Variants in ARHGEF37 observed in about 807,000 individuals in gnomAD.
ARHGEF37 encodes the protein Rho guanine nucleotide exchange factor (GEF) 37.
Under a neutral mutation model 71.1 loss-of-function variants are expected in ARHGEF37, and 55 were observed. The observed-to-expected ratio is 0.77, with a 90% CI of 0.62 to 0.97. The LOEUF (loss-of-function observed/expected upper bound fraction) is 0.97. Among genes scored for constraint, ARHGEF37 ranks in the 50% least tolerant of loss-of-function variants. The probability of loss-of-function intolerance (pLI) is 0.00; values close to 1 mark genes in which losing one functional copy is unlikely to be tolerated. For synonymous variants in ARHGEF37, 327 were observed against 350.6 expected (o/e 0.93, Z 0.75); for missense variants, 765 against 836.8 (o/e 0.91, Z 1.06).
At chr5:149,618,026 C>G in intron 5 of ARHGEF37, 150 bp from the exon 6 acceptor site, 1 of 1,152,438 alleles carries the variant, frequency 8.7e-7, no homozygotes, top group African/African-American at 1.6e-5. Flanking sequence ...ACAGAGGACC[C>G]TATGCTTTTC....
intron 7 of ARHGEF37, 27 bp downstream of exon 7, chr5:149,619,069 G>T (rs369712407): frequency 3.8e-6 from 6 of 1,591,220 alleles, no homozygotes; most frequent in Non-Finnish European, 5.2e-6. Context: ...GTTCATAAAG[G>T]GCGAGTCTGG....
chr5:149,627,496 C>T (rs6894391), intron 11 of ARHGEF37, among the ~76,000 whole-genome samples: 74,353 of 152,046 alleles, frequency 0.49, 18,673 homozygotes, highest in Middle Eastern at 0.56. Flanking sequence ...GCAGGGTCTA[C>T]CATGAAGCAC....
chr5:149,618,380 G>T, intron 6 of ARHGEF37, 74 bp downstream of exon 6: 1 of 1,595,852 alleles, frequency 6.3e-7, no homozygotes, highest in Non-Finnish European at 8.5e-7. Flanking sequence ...GGGTAGACAG[G>T]GGACTTAGGC....
At chr5:149,555,828 CT>C (rs1018887844) in intron 1 of ARHGEF37, among the ~76,000 whole-genome samples, 7 of 150,174 alleles carry the variant, frequency 4.7e-5, no homozygotes, top group South Asian at 2.1e-4. Context: ...AATTTTAAAA[CT>C]TTTTTTTTTC....
At chr5:149,626,488 G>A (rs911665315) in intron 10 of ARHGEF37, among the ~76,000 whole-genome samples, 1 of 152,098 alleles carries the variant, frequency 6.6e-6, no homozygotes. Context: ...CAGCTAGATG[G>A]CAATTTCGTC....
At chr5:149,608,178 T>C (rs1763970071) in intron 3 of ARHGEF37, among the ~76,000 whole-genome samples, 1 of 152,170 alleles carries the variant, frequency 6.6e-6, no homozygotes, top group African/African-American at 2.4e-5. Flanking sequence ...TTTTCACTTC[T>C]GTGGATCTTC....
chr5:149,552,479 C>T (rs1309953683), intron 1 of ARHGEF37, among the ~76,000 whole-genome samples: 2 of 152,172 alleles, frequency 1.3e-5, no homozygotes, highest in African/African-American at 4.8e-5. Context: ...TTGATGCTAT[C>T]ATCTTAAGTC....
intron 5 of ARHGEF37, among the ~76,000 whole-genome samples, chr5:149,617,595 A>G (rs1388475278): frequency 6.6e-6 from 1 of 152,194 alleles, no homozygotes; most frequent in Admixed American, 6.5e-5. Flanking sequence ...TTTCACAGTC[A>G]GGTAAAATGA....
intron 10 of ARHGEF37, 25 bp from the exon 11 acceptor site, chr5:149,627,051 T>C: frequency 6.3e-7 from 1 of 1,590,434 alleles, no homozygotes; most frequent in Non-Finnish European, 8.6e-7. Flanking sequence ...AGCACTTGTG[T>C]CTGTCTGTGC....
upstream of ARHGEF37, among the ~76,000 whole-genome samples, chr5:149,551,707 C>T (rs575577899): frequency 1.3e-4 from 20 of 152,384 alleles, no homozygotes; most frequent in African/African-American, 4.8e-4. Context: ...GAGTGGCCCC[C>T]CGGCCTTGAT....
In ARHGEF37 at chr5:149,554,037, G is replaced by A. The variant is rs1055817752; in HGVS notation, c.-12+1914G>A. On this transcript the variant is annotated intron_variant, in intron 1 of 2. Coordinates refer to the ARHGEF37 transcript ENST00000505810. ...ACAAAAATTAGCCGGGCGTGGTGGC[G>A]CATGCCTGTAATCCCAGCTACTTGG... 7.2e-5 allele frequency among the ~76,000 whole-genome samples: 11 copies of A among 152,084 alleles called. 1 individual carries two copies. Among genetic ancestry groups the A allele is most frequent in the Admixed American group, 6.6e-4 (10 of 15,266 alleles).
At chr5:149,560,356 C>T (rs887988347) in intron 1 of ARHGEF37, among the ~76,000 whole-genome samples, 8 of 152,130 alleles carry the variant, frequency 5.3e-5, no homozygotes, top group Non-Finnish European at 7.4e-5. Flanking sequence ...TCAGGTGATC[C>T]GCCCACCTCT....
chr5:149,573,091 A>G (rs1762987948), intron 1 of ARHGEF37, among the ~76,000 whole-genome samples: 2 of 152,162 alleles, frequency 1.3e-5, no homozygotes, highest in Admixed American at 6.5e-5. Flanking sequence ...TCCTGGCTTT[A>G]TAACAACTTA....
chr5:149,614,068 G>GT (rs200551015), intron 4 of ARHGEF37, among the ~76,000 whole-genome samples: 2,401 of 151,710 alleles, frequency 0.016, 72 homozygotes, highest in African/African-American at 0.056. Context: ...CCAGCACAGT[G>GT]TTTTTTTTAA....
chr5:149,603,071 T>C (rs1763805851), intron 3 of ARHGEF37, among the ~76,000 whole-genome samples: 1 of 152,062 alleles, frequency 6.6e-6, no homozygotes, highest in African/African-American at 2.4e-5. Flanking sequence ...TAGCTGGGAT[T>C]ACAGGCGCCC....
In ARHGEF37 at chr5:149,628,798, A is replaced by ATGCTCCCTAGGACATCG; in HGVS notation, c.1661-8_1669dup. ...GGCCCGCAGCCTGCTAACCTTCTGCATGCTCCCTAGGACATCGTGGGTATG... is the reference window on the plus strand; with the variant it reads ...GGCCCGCAGCCTGCTAACCTTCTGCATGCTCCCTAGGACATCGTGCTCCCTAGGACATCGTGGGTATG... On this transcript the variant is annotated splice_polypyrimidine_tract_variant and intron_variant, in intron 11 of 12. Transcript: ENST00000333677. 2 of 1,609,122 alleles carry ATGCTCCCTAGGACATCG rather than the reference A, an allele frequency of 1.2e-6. No individual in the cohort carries two copies. The highest frequency in any genetic ancestry group is 2.2e-5 in the South Asian group (2 of 90,222).
At chr5:149,592,046 C>A (rs1046192824) in intron 1 of ARHGEF37, among the ~76,000 whole-genome samples, 3 of 152,156 alleles carry the variant, frequency 2.0e-5, no homozygotes, top group Non-Finnish European at 4.4e-5. Flanking sequence ...GAGGTTGCAA[C>A]AATAGCAAAG....
intron 4 of ARHGEF37, among the ~76,000 whole-genome samples, chr5:149,615,959 T>C (rs1223609766): frequency 6.6e-6 from 1 of 152,150 alleles, no homozygotes; most frequent in Admixed American, 6.5e-5. Flanking sequence ...TTAAATAAGA[T>C]ATCATGTGGA....
intron 1 of ARHGEF37, among the ~76,000 whole-genome samples, chr5:149,560,723 C>T (rs1044238992): frequency 2.0e-5 from 3 of 151,692 alleles, no homozygotes; most frequent in African/African-American, 7.3e-5. Flanking sequence ...GAGTTTGAGA[C>T]CAGCCTGGGC....
Sources: gnomAD v4.1 joint callset for allele counts (sites outside exome capture counted in the v4.1 genomes callset) on GRCh38, gnomAD v4.1.1 for gene constraint, MANE v1.5 for transcripts, NCBI Gene and HGNC (gene_info 2026-07-23, HGNC 2026-07-21) for gene names.